Variants in ANK1 observed in about 807,000 individuals in gnomAD.
The protein encoded by ANK1 is ankyrin 1.
A neutral mutation model predicts 210.4 loss-of-function variants in ANK1; 51 were observed. That is an observed-to-expected ratio of 0.24 (90% CI 0.19 to 0.31). ANK1 has a LOEUF of 0.31. Among genes scored for constraint, ANK1 ranks in the 10% least tolerant of loss-of-function variants. The pLI is 1.00. For synonymous variants in ANK1, 967 were observed against 1,025.9 expected, an observed-to-expected ratio of 0.94 and a Z score of 1.10; for missense variants, 2,051 against 2,504.4, an observed-to-expected ratio of 0.82 and a Z score of 3.86.
At chr8:41,656,069 C>T (rs1232112342) in intron 42 of ANK1, among the ~76,000 whole-genome samples, 1 of 152,226 alleles carries the variant, frequency 6.6e-6, no homozygotes, top group East Asian at 1.9e-4. Context: ...TGCTCTGTGC[C>T]CTTGGAGAGG....
At chr8:41,840,472 C>T (rs976657466) in intron 1 of ANK1, 1 of 152,166 alleles carries the variant, frequency 6.6e-6, no homozygotes, top group Non-Finnish European at 1.5e-5. Flanking sequence ...TACCATAGAC[C>T]TGATGGCTTA....
intron 18 of ANK1, 23 bp downstream of exon 18, chr8:41,706,120 G>A (rs375994858): frequency 4.4e-6 from 7 of 1,609,148 alleles, no homozygotes; most frequent in Non-Finnish European, 6.0e-6. Context: ...CACACAGACT[G>A]AAGTTCCGGC....
chr8:41,678,714 A>G (rs775362011), intron 37 of ANK1, among the ~76,000 whole-genome samples: 4 of 152,162 alleles, frequency 2.6e-5, no homozygotes, highest in Non-Finnish European at 4.4e-5. Context: ...CCATGTCTCT[A>G]CTTAGCTTTT....
intron 1 of ANK1, among the ~76,000 whole-genome samples, chr8:41,853,128 G>A (rs752486778): frequency 5.9e-5 from 9 of 152,160 alleles, no homozygotes; most frequent in Non-Finnish European, 1.0e-4. Flanking sequence ...CAGTGCATTC[G>A]GAAATAAGAC....
Position 41,803,053 on chromosome 8 carries a change from AAG to A in ANK1, c.127-44918_127-44917del, listed in dbSNP as rs1231561109. ...AGAAAGAAAGAAAGAGAAAGAAAGA[AAG>A]AGAGAAAGGAAGGAAGGAAGGAAGG... On this transcript the variant is annotated intron_variant, in intron 1 of 42. Coordinates refer to the ANK1 transcript ENST00000265709. 2.4e-4 allele frequency among the ~76,000 whole-genome samples: 19 copies of A among 80,582 alleles called. No individual in the cohort carries two copies. The East Asian group carries it at 3.0e-3, about 13-fold the overall frequency. 52.9% of individuals were successfully genotyped at this position (80,582 alleles called of 152,430 possible). A position where few individuals can be genotyped will look rare whatever the true frequency, so the allele number is the denominator to read the frequency against.
chr8:41,852,508 A>G (rs1481263023), intron 1 of ANK1, among the ~76,000 whole-genome samples: 3 of 152,334 alleles, frequency 2.0e-5, no homozygotes, highest in East Asian at 3.9e-4. Context: ...ACAGAGGAAG[A>G]GGCTGGGAGA....
intron 1 of ANK1, among the ~76,000 whole-genome samples, chr8:41,853,329 T>C (rs1047779658): frequency 6.6e-6 from 1 of 152,258 alleles, no homozygotes; most frequent in Admixed American, 6.5e-5. Flanking sequence ...TGTATCTTCA[T>C]TGCAGTGTTG....
At chr8:41,819,983 C>G (rs887371021) in intron 1 of ANK1, among the ~76,000 whole-genome samples, 1 of 152,238 alleles carries the variant, frequency 6.6e-6, no homozygotes, top group African/African-American at 2.4e-5. Context: ...GCCCATGCCA[C>G]TGATCCCGCC....
chr8:41,832,113 A>G (rs1461943074), intron 1 of ANK1, among the ~76,000 whole-genome samples: 1 of 152,152 alleles, frequency 6.6e-6, no homozygotes, highest in Non-Finnish European at 1.5e-5. Flanking sequence ...ATGACTGTGC[A>G]TTTGTCAGAA....
At chr8:41,819,168 AT>A (rs1473108761) in intron 1 of ANK1, among the ~76,000 whole-genome samples, 1 of 152,122 alleles carries the variant, frequency 6.6e-6, no homozygotes, top group Non-Finnish European at 1.5e-5. Context: ...TTCTTCTTTC[AT>A]TTGTTAAACT....
rs1223192018 is a variant in ANK1 at position 41,719,522 on chromosome 8, C to T, written c.1107+139G>A. 2.7e-6 allele frequency: 3 copies of T among 1,111,600 alleles called. No homozygotes were observed. The African/African-American group carries it at 4.6e-5, about 17-fold the overall frequency. 68.9% of individuals were successfully genotyped at this position (1,111,600 alleles called of 1,614,324 possible). A position where few individuals can be genotyped will look rare whatever the true frequency, so the allele number is the denominator to read the frequency against. The stretch of plus-strand genomic sequence containing the variant: ...CCAGGCCCCCACCATCCAGTGCTGT[C>T]ACACCCCACTGCTCAGGCCTCGAAT... On this transcript the variant is annotated intron_variant, in intron 10 of 42. Transcript: ENST00000289734.
intron 1 of ANK1, among the ~76,000 whole-genome samples, chr8:41,823,171 G>A (rs982059987): frequency 6.6e-6 from 1 of 152,130 alleles, no homozygotes; most frequent in Non-Finnish European, 1.5e-5. Context: ...ATCTCATGAA[G>A]AGCCTCTGTA....
intron 2 of ANK1, among the ~76,000 whole-genome samples, chr8:41,740,865 G>A (rs1460781856): frequency 6.6e-6 from 1 of 152,210 alleles, no homozygotes; most frequent in Non-Finnish European, 1.5e-5. Context: ...CTGGGGCCAG[G>A]CACTGCCTCC....
At position 41,864,760 on chromosome 8, in the gene ANK1, T is replaced by C. The variant is rs144103757; in HGVS notation, c.126+31595A>G. 1.4e-4 allele frequency among the ~76,000 whole-genome samples: 22 copies of C among 152,320 alleles called. No individual in the cohort carries two copies. The East Asian group carries it at 4.0e-3, about 28-fold the overall frequency. ...CCGTCGTCACTCATGGAACCACGGC[T>C]GAGTGGGTATGCGGAGCATCCAGAA... On this transcript the variant is annotated intron_variant, in intron 1 of 42. Transcript: ENST00000265709.
intron 1 of ANK1, among the ~76,000 whole-genome samples, chr8:41,854,843 G>A (rs924464551): frequency 6.6e-6 from 1 of 151,932 alleles, no homozygotes; most frequent in Non-Finnish European, 1.5e-5. Flanking sequence ...CTAGCTACTC[G>A]GGAGGCTGAG....
intron 1 of ANK1, among the ~76,000 whole-genome samples, chr8:41,777,435 C>T (rs1415940494): frequency 2.0e-5 from 3 of 151,952 alleles, no homozygotes; most frequent in Non-Finnish European, 1.5e-5. Flanking sequence ...ATTAGCCAGG[C>T]GTGGTGGCGT....
At position 41,692,736 on chromosome 8, in the gene ANK1, C is replaced by A; in HGVS notation, c.3770G>T (p.Arg1257Leu). The stretch of plus-strand genomic sequence containing the variant: ...TTTATCATCTGTCATGCAGTAGCAG[C>A]GCAGGCGCCCCTCTCGGGGGTCATT... ...KMNDPREGRL[R>L]CYCMTDDKVD... The change falls in exon 31 of 43, where the codon CGC becomes CTC. Residue 1257 changes from arginine (R) to leucine (L), a missense_variant. Transcript: ENST00000289734. 1 of 1,614,012 alleles carries A rather than the reference C, an allele frequency of 6.2e-7. No homozygotes were observed. The highest frequency in any genetic ancestry group is 2.2e-5 in the East Asian group (1 of 44,856).
At chr8:41,655,820 C>T in intron 42 of ANK1, 67 bp from the exon 43 acceptor site, 3 of 1,550,592 alleles carry the variant, frequency 1.9e-6, no homozygotes, top group Non-Finnish European at 2.7e-6. Flanking sequence ...AAAAACCCCA[C>T]ACACAGAGTT....
chr8:41,794,999 T>C (rs1189233304), intron 1 of ANK1, among the ~76,000 whole-genome samples: 4 of 152,190 alleles, frequency 2.6e-5, no homozygotes, highest in Non-Finnish European at 5.9e-5. Context: ...CCACCGTGCC[T>C]GGCCGTAAAG....
Sources: gnomAD v4.1 joint callset for allele counts (sites outside exome capture counted in the v4.1 genomes callset) on GRCh38, gnomAD v4.1.1 for gene constraint, MANE v1.5 for transcripts, NCBI Gene and HGNC (gene_info 2026-07-23, HGNC 2026-07-21) for gene names.